HLCS: variants seen among roughly 807,000 people sequenced by gnomAD.
HLCS encodes the protein biotin--protein ligase.
HLCS carries 53 observed loss-of-function variants against 75.0 expected under a neutral mutation model. The ratio of observed to expected loss-of-function variants is 0.71; its 90% confidence interval spans 0.57 to 0.89. The LOEUF is 0.89. Among genes scored for constraint, HLCS ranks in the 40% least tolerant of loss-of-function variants. HLCS has a pLI of 0.00. For synonymous variants in HLCS, 431 were observed against 428.6 expected (o/e 1.01, Z -0.07); for missense variants, 966 against 1,074.0 (o/e 0.90, Z 1.41).
At chr21:36,966,734 G>A (rs1265727230), upstream of HLCS, 2 of 478,900 alleles carry the variant, frequency 4.2e-6, no homozygotes, top group South Asian at 8.9e-5. Context: ...CCGCCCCCCC[G>A]GGCCAGGCGG....
chr21:36,895,821 C>A (rs1179729566), intron 6 of HLCS, among the ~76,000 whole-genome samples: 1 of 152,114 alleles, frequency 6.6e-6, no homozygotes, highest in Non-Finnish European at 1.5e-5. Flanking sequence ...ATATTTCACG[C>A]CTTAAATTTT....
chr21:36,960,817 G>A (rs1201619689), intron 2 of HLCS, among the ~76,000 whole-genome samples: 2 of 152,170 alleles, frequency 1.3e-5, no homozygotes, highest in African/African-American at 2.4e-5. Context: ...AGACCTCCAG[G>A]AGCCTCAGGG....
intron 6 of HLCS, among the ~76,000 whole-genome samples, chr21:36,810,094 C>T (rs17814278): frequency 0.054 from 8,204 of 152,302 alleles, 327 homozygotes; most frequent in Non-Finnish European, 0.081. Context: ...CTCTCCATAT[C>T]TGCTTCCCCT....
intron 6 of HLCS, among the ~76,000 whole-genome samples, chr21:36,880,759 G>A (rs2064173343): frequency 3.3e-5 from 5 of 152,076 alleles, no homozygotes; most frequent in African/African-American, 9.6e-5. Context: ...ACAAAACATC[G>A]AAATCCAAAA....
intron 6 of HLCS, among the ~76,000 whole-genome samples, chr21:36,783,269 C>G (rs1388469310): frequency 6.6e-6 from 1 of 152,136 alleles, no homozygotes; most frequent in Non-Finnish European, 1.5e-5. Flanking sequence ...CTCTGAATCC[C>G]AACCTCCAGA....
At chr21:36,849,660 T>G (rs950894826) in intron 6 of HLCS, among the ~76,000 whole-genome samples, 1 of 152,224 alleles carries the variant, frequency 6.6e-6, no homozygotes, top group Admixed American at 6.5e-5. Flanking sequence ...CAGCCCCCAC[T>G]GAACTGCCAG....
At chr21:36,769,006 A>G (rs1384665452) in intron 6 of HLCS, among the ~76,000 whole-genome samples, 1 of 152,160 alleles carries the variant, frequency 6.6e-6, no homozygotes. Flanking sequence ...CAGATCGCAA[A>G]AGCAATCTAG....
intron 5 of HLCS, among the ~76,000 whole-genome samples, chr21:36,918,841 G>A (rs185758769): frequency 6.6e-6 from 1 of 152,314 alleles, no homozygotes; most frequent in Non-Finnish European, 1.5e-5. Context: ...GTTAACATCA[G>A]TTGTTTCTCT....
intron 1 of HLCS, chr21:36,986,785 CAA>C (rs2069237448): frequency 6.6e-6 from 1 of 152,188 alleles, no homozygotes; most frequent in African/African-American, 2.4e-5. Flanking sequence ...AAGAATAAAA[CAA>C]AGAGTTCAAT....
At chr21:36,989,855 G>C (rs2069311894) in intron 1 of HLCS, among the ~76,000 whole-genome samples, 1 of 152,100 alleles carries the variant, frequency 6.6e-6, no homozygotes, top group Non-Finnish European at 1.5e-5. Context: ...CCGCGTCGCC[G>C]CGCGTGCGCA....
chr21:36,784,789 T>A (rs2145852004), intron 6 of HLCS, among the ~76,000 whole-genome samples: 1 of 152,262 alleles, frequency 6.6e-6, no homozygotes, highest in Non-Finnish European at 1.5e-5. Flanking sequence ...AAGTAAATAC[T>A]ACCAGCTTGG....
chr21:36,914,632 T>A (rs112589752), intron 5 of HLCS, among the ~76,000 whole-genome samples: 3 of 152,216 alleles, frequency 2.0e-5, no homozygotes, highest in Admixed American at 6.5e-5. Flanking sequence ...GCTGGTTTTA[T>A]AGGCATCACA....
chr21:36,785,582 G>A (rs926346053), intron 6 of HLCS, among the ~76,000 whole-genome samples: 2 of 152,126 alleles, frequency 1.3e-5, no homozygotes, highest in African/African-American at 2.4e-5. Flanking sequence ...TAGTTTGATC[G>A]TTTATTCTCA....
intron 6 of HLCS, among the ~76,000 whole-genome samples, chr21:36,815,997 A>G (rs2061653316): frequency 6.6e-6 from 1 of 152,204 alleles, no homozygotes; most frequent in Non-Finnish European, 1.5e-5. Flanking sequence ...TCATCTAGTC[A>G]AATGTGGACA....
At chr21:36,865,179 C>A (rs1054655235) in intron 6 of HLCS, among the ~76,000 whole-genome samples, 1 of 151,822 alleles carries the variant, frequency 6.6e-6, no homozygotes, top group African/African-American at 2.4e-5. Flanking sequence ...GACATCTGCT[C>A]GGGCGGATCA....
chr21:36,887,002 T>C (rs912014787), intron 6 of HLCS, among the ~76,000 whole-genome samples: 2 of 152,084 alleles, frequency 1.3e-5, no homozygotes, highest in Non-Finnish European at 2.9e-5. Context: ...TGGTGGCACA[T>C]GCCTGTAATC....
intron 6 of HLCS, among the ~76,000 whole-genome samples, chr21:36,873,744 C>G (rs2063853436): frequency 6.6e-6 from 1 of 152,164 alleles, no homozygotes; most frequent in African/African-American, 2.4e-5. Flanking sequence ...GGACCACAGG[C>G]ATGTGCCACC....
At chr21:36,963,256 T>C (rs1468405253) in intron 1 of HLCS, among the ~76,000 whole-genome samples, 1 of 152,144 alleles carries the variant, frequency 6.6e-6, no homozygotes, top group African/African-American at 2.4e-5. Flanking sequence ...ATACAGGATA[T>C]AGCCAGAGAA....
chr21:36,811,685 C>CA (rs2061515154), intron 6 of HLCS, among the ~76,000 whole-genome samples: 1 of 152,144 alleles, frequency 6.6e-6, no homozygotes, highest in African/African-American at 2.4e-5. Context: ...GTTCAGAAGT[C>CA]AAATAATTTT....
Sources: allele counts gnomAD v4.1 joint callset (sites outside exome capture counted in the v4.1 genomes callset), GRCh38; gene constraint gnomAD v4.1.1; transcripts MANE v1.5; gene names NCBI Gene and HGNC (gene_info 2026-07-23, HGNC 2026-07-21).